BBS9: variants seen among roughly 807,000 people sequenced by gnomAD.
BBS9 encodes the protein protein PTHB1.
A neutral mutation model predicts 117.7 loss-of-function variants in BBS9; 89 were observed. That is an observed-to-expected ratio of 0.76 (90% CI 0.64 to 0.90). The LOEUF (loss-of-function observed/expected upper bound fraction) is 0.90. Ranked by LOEUF, BBS9 falls within the 40% of genes least tolerant of loss-of-function variation. BBS9 has a pLI of 0.00. For synonymous variants in BBS9, 379 were observed against 370.9 expected, an observed-to-expected ratio of 1.02 and a Z score of -0.25; for missense variants, 982 against 1,042.2, an observed-to-expected ratio of 0.94 and a Z score of 0.80.
At chr7:33,522,598 GT>G (rs918741457) in intron 20 of BBS9, among the ~76,000 whole-genome samples, 3 of 151,982 alleles carry the variant, frequency 2.0e-5, no homozygotes, top group Non-Finnish European at 2.9e-5. Context: ...GGGGTTGTTT[GT>G]TTTTTTCTTG....
At chr7:33,299,608 T>A (rs1805967516) in intron 9 of BBS9, among the ~76,000 whole-genome samples, 1 of 147,832 alleles carries the variant, frequency 6.8e-6, no homozygotes, top group African/African-American at 2.5e-5. Context: ...ATTTAATATT[T>A]ACTAAATATT....
At chr7:33,584,165 T>A (rs773289666) in intron 21 of BBS9, among the ~76,000 whole-genome samples, 1 of 152,056 alleles carries the variant, frequency 6.6e-6, no homozygotes, top group African/African-American at 2.4e-5. Context: ...TTTTTATACT[T>A]ATATTTTACA....
At chr7:33,614,651 C>T (rs1467292111) in intron 21 of BBS9, among the ~76,000 whole-genome samples, 3 of 151,996 alleles carry the variant, frequency 2.0e-5, no homozygotes, top group Non-Finnish European at 4.4e-5. Context: ...GCAAGAAAAC[C>T]TGAAGTGTAA....
chr7:33,261,294 A>G (rs1036003061), intron 6 of BBS9, among the ~76,000 whole-genome samples: 3 of 152,156 alleles, frequency 2.0e-5, no homozygotes, highest in Non-Finnish European at 4.4e-5. Flanking sequence ...TTTCTCCTTG[A>G]CTAAGCTCAG....
chr7:33,312,749 A>G (rs1446001612), intron 9 of BBS9, among the ~76,000 whole-genome samples: 1 of 152,138 alleles, frequency 6.6e-6, no homozygotes, highest in Non-Finnish European at 1.5e-5. Flanking sequence ...TACAAATTAT[A>G]CTTGTTCTTC....
At chr7:33,471,935 T>C (rs981829028) in intron 19 of BBS9, among the ~76,000 whole-genome samples, 4 of 152,192 alleles carry the variant, frequency 2.6e-5, no homozygotes, top group South Asian at 2.1e-4. Flanking sequence ...TGAGGATTTC[T>C]TCAGGCCAGA....
Position 33,605,049 on chromosome 7 carries a change from C to G in BBS9, c.2632+74C>G, listed in dbSNP as rs1422098813. ...GACAATCTGGTCAGTTTTTGTCATA[C>G]CAGAGAGCATTCCGCAAAGCTGCTT... On this transcript the variant is annotated intron_variant, in intron 22 of 22. Coordinates refer to ENST00000242067, the MANE Select transcript of BBS9 (RefSeq NM_198428.3). 2.0e-6 allele frequency: 3 copies of G among 1,478,324 alleles called. No homozygotes were observed. In the African/African-American group the frequency reaches 4.2e-5, roughly 21 times the overall value. The allele number at this position is 1,478,324 out of a possible 1,614,324, so 91.6% of individuals were successfully genotyped here. A position where few individuals can be genotyped will look rare whatever the true frequency, so the allele number is the denominator to read the frequency against.
At chr7:33,467,547 A>C (rs962852280) in intron 19 of BBS9, among the ~76,000 whole-genome samples, 1 of 134,564 alleles carries the variant, frequency 7.4e-6, no homozygotes, top group Non-Finnish European at 1.6e-5. Flanking sequence ...CTAATTCACC[A>C]GTGCTGTGGG....
chr7:33,262,926 A>AG lies in BBS9; in HGVS notation c.618-1364_618-1363insG, dbSNP rs530407211. Among the ~76,000 whole-genome samples, 572 of 152,280 alleles carry AG rather than the reference A, an allele frequency of 3.8e-3. 1 individual carries two copies. Among genetic ancestry groups the AG allele is most frequent in the Non-Finnish European group, 6.5e-3 (444 of 68,010 alleles). On this transcript the variant is annotated intron_variant, in intron 6 of 22. Transcript: ENST00000242067. ...GGTACTACGTGCATACCTTCTGTTA[A>AG]TTAGCACAGGATACTCTGAGTTATA...
At chr7:33,627,193 A>G (rs1478849005) in intron 21 of BBS9, among the ~76,000 whole-genome samples, 1 of 152,230 alleles carries the variant, frequency 6.6e-6, no homozygotes, top group Non-Finnish European at 1.5e-5. Context: ...AGCTGTGGCT[A>G]AAAGGGTCCC....
chr7:33,407,959 C>G (rs1037583662), intron 19 of BBS9, among the ~76,000 whole-genome samples: 9 of 152,328 alleles, frequency 5.9e-5, no homozygotes, highest in African/African-American at 1.9e-4. Context: ...CCACTGCTCT[C>G]CTCAAAGCTG....
At chr7:33,357,565 A>T (rs897325298) in intron 15 of BBS9, among the ~76,000 whole-genome samples, 5 of 151,814 alleles carry the variant, frequency 3.3e-5, no homozygotes, top group Non-Finnish European at 7.4e-5. Flanking sequence ...AAGTGACTAT[A>T]ATGTTTTATA....
At chr7:33,533,333 T>G (rs1850869316) in intron 20 of BBS9, among the ~76,000 whole-genome samples, 1 of 152,234 alleles carries the variant, frequency 6.6e-6, no homozygotes, top group South Asian at 2.1e-4. Context: ...AATGGCCTAC[T>G]TCCTGTGGGT....
intron 19 of BBS9, among the ~76,000 whole-genome samples, chr7:33,403,097 A>G (rs1321891044): frequency 6.6e-6 from 1 of 151,980 alleles, no homozygotes. Context: ...TTAAAAAAAT[A>G]ATTTCAACTT....
rs570409317 is a variant in BBS9, at chr7:33,254,913, T to C, written c.443-2323T>C. ...TTTACATTTCCCTGATAATTAGCAA[T>C]GTTGAGCACCTTTTCATATACCTGT... On this transcript the variant is annotated intron_variant, in intron 5 of 22. Coordinates refer to ENST00000242067, the MANE Select transcript of BBS9 (RefSeq NM_198428.3). Among the ~76,000 whole-genome samples the C allele has an allele frequency of 3.3e-5, 5 of 152,322 alleles. No homozygotes were observed. In the South Asian group the frequency reaches 1.0e-3, roughly 32 times the overall value.
intron 19 of BBS9, among the ~76,000 whole-genome samples, chr7:33,436,658 C>T (rs947673447): frequency 6.6e-6 from 1 of 152,218 alleles, no homozygotes; most frequent in Non-Finnish European, 1.5e-5. Context: ...GCTGTTCTCT[C>T]TGCCATCAAC....
At chr7:33,468,102 C>G (rs1840447534) in intron 19 of BBS9, among the ~76,000 whole-genome samples, 1 of 151,986 alleles carries the variant, frequency 6.6e-6, no homozygotes. Flanking sequence ...TGTTCTTTTA[C>G]TCTAGTGTTC....
At chr7:33,390,470 G>C in intron 19 of BBS9, 3 of 978,946 alleles carry the variant, frequency 3.1e-6, no homozygotes, top group Non-Finnish European at 3.6e-6. Context: ...ATTCCTTTTA[G>C]ATTAATGAAA....
intron 15 of BBS9, among the ~76,000 whole-genome samples, chr7:33,356,929 G>A (rs1388303703): frequency 2.0e-5 from 3 of 151,700 alleles, no homozygotes; most frequent in East Asian, 1.9e-4. Context: ...ACTATGGCAC[G>A]GCATAGGCTT....
Sources: allele counts gnomAD v4.1 joint callset (sites outside exome capture counted in the v4.1 genomes callset), GRCh38; gene constraint gnomAD v4.1.1; transcripts MANE v1.5; gene names NCBI Gene and HGNC (gene_info 2026-07-23, HGNC 2026-07-21).